ABCB1: variants seen among roughly 807,000 people sequenced by gnomAD.
The protein encoded by ABCB1 is ATP binding cassette subfamily B member 1.
ABCB1 carries 69 observed loss-of-function variants against 142.0 expected under a neutral mutation model. That is an observed-to-expected ratio of 0.49 (90% CI 0.40 to 0.59). ABCB1 has a LOEUF of 0.59. Ranked by LOEUF, ABCB1 falls within the 20% of genes least tolerant of loss-of-function variation. The pLI is 0.00. For synonymous variants in ABCB1, 532 were observed against 539.2 expected, an observed-to-expected ratio of 0.99 and a Z score of 0.18; for missense variants, 1,326 against 1,554.7, an observed-to-expected ratio of 0.85 and a Z score of 2.47.
intron 1 of ABCB1, among the ~76,000 whole-genome samples, chr7:87,657,127 C>T (rs936071801): frequency 1.3e-5 from 2 of 152,094 alleles, no homozygotes; most frequent in African/African-American, 4.8e-5. Context: ...CATAAGAAGA[C>T]TCTGAAAGGT....
upstream of ABCB1, among the ~76,000 whole-genome samples, chr7:87,602,286 C>T (rs936047147): frequency 1.0e-4 from 15 of 143,374 alleles, no homozygotes; most frequent in African/African-American, 3.9e-4. Context: ...AGCTACAGCT[C>T]GGCCTCTTTT....
intron 2 of ABCB1, among the ~76,000 whole-genome samples, chr7:87,597,016 A>C (rs1819237137): frequency 1.3e-5 from 2 of 152,094 alleles, no homozygotes; most frequent in South Asian, 4.1e-4. Context: ...CACTTCCCAC[A>C]CACAATTCAT....
intron 1 of ABCB1, chr7:87,628,572 GGTGCGTGC>G (rs1226549428): frequency 3.1e-5 from 10 of 326,796 alleles, no homozygotes; most frequent in African/African-American, 1.6e-4. Flanking sequence ...GGGCGGAGGT[GGTGCGTGC>G]GTGCGTGTGT....
intron 25 of ABCB1, 84 bp from the exon 26 acceptor site, chr7:87,509,565 A>T (rs1814914697): frequency 7.0e-7 from 1 of 1,419,002 alleles, no homozygotes; most frequent in Non-Finnish European, 9.8e-7. Context: ...CTTACACTGA[A>T]ACTGCCAAGT....
intron 8 of ABCB1, among the ~76,000 whole-genome samples, chr7:87,559,801 T>C (rs1374874718): frequency 2.6e-5 from 4 of 152,140 alleles, no homozygotes; most frequent in Non-Finnish European, 5.9e-5. Context: ...CTAACTTCTA[T>C]GGGGAGATGT....
chr7:87,650,381 T>C (rs1360529638), intron 1 of ABCB1, among the ~76,000 whole-genome samples: 1 of 152,034 alleles, frequency 6.6e-6, no homozygotes, highest in Non-Finnish European at 1.5e-5. Context: ...CACCATCAGA[T>C]TGGGTGTCTG....
intron 10 of ABCB1, 59 bp downstream of exon 10, chr7:87,550,666 A>C: frequency 6.4e-7 from 1 of 1,560,242 alleles, no homozygotes; most frequent in East Asian, 2.2e-5. Context: ...AGTGACAAAG[A>C]AATTGACTTA....
intron 1 of ABCB1, among the ~76,000 whole-genome samples, chr7:87,682,649 T>G (rs1243339200): frequency 6.6e-6 from 1 of 152,210 alleles, no homozygotes; most frequent in Non-Finnish European, 1.5e-5. Flanking sequence ...ATCAAAACAA[T>G]GGGCTTTGAA....
chr7:87,702,142 CAAAAAAAAAAAAAAAAA>C lies in ABCB1; in HGVS notation c.-331+11002_-331+11018del, dbSNP rs146127516. ...TGGGCAAAAGAGCGAGACTCTGTCT[CAAAAAAAAAAAAAAAAA>C]AAAAAAAAAAAAACAGAGATACTTT... On this transcript the variant is annotated intron_variant, in intron 1 of 28. Transcript: ENST00000265724. Among the ~76,000 whole-genome samples, 12 of 16,776 alleles carry C rather than the reference CAAAAAAAAAAAAAAAAA, an allele frequency of 7.2e-4. 1 individual carries two copies. The South Asian group carries it at 0.026, about 36-fold the overall frequency. The allele number at this position is 16,776 out of a possible 152,430, so 11.0% of individuals were successfully genotyped here.
chr7:87,654,943 C>T (rs1417205017), intron 1 of ABCB1, among the ~76,000 whole-genome samples: 1 of 151,990 alleles, frequency 6.6e-6, no homozygotes, highest in Non-Finnish European at 1.5e-5. Context: ...AAAAGGTGCT[C>T]AAAATCACTA....
intron 25 of ABCB1, 96 bp downstream of exon 25, chr7:87,515,135 G>C (rs368272475): frequency 5.1e-5 from 75 of 1,466,238 alleles, no homozygotes; most frequent in Non-Finnish European, 6.3e-5. Flanking sequence ...GTTGTTTAAA[G>C]GTTTGAAAAA....
intron 1 of ABCB1, among the ~76,000 whole-genome samples, chr7:87,705,772 A>G (rs537701612): frequency 1.3e-5 from 2 of 152,230 alleles, no homozygotes; most frequent in East Asian, 3.9e-4. Context: ...CTTGGGTCAT[A>G]TGCTCTTATA....
chr7:87,615,254 G>A (rs1229276579), intron 1 of ABCB1, among the ~76,000 whole-genome samples: 2 of 152,202 alleles, frequency 1.3e-5, no homozygotes, highest in Non-Finnish European at 2.9e-5. Context: ...TCTACACAGA[G>A]TAAGGGCTTC....
Position 87,520,815 on chromosome 7 carries a change from A to G in ABCB1, c.2747T>C (p.Phe916Ser). The change falls in exon 22 of 28, where the codon TTT becomes TCT. Residue 916 changes from phenylalanine to serine, a missense_variant. Transcript: ENST00000622132. Reference sequence around the variant, plus strand: ...CAAACTCTGAGCATACATATGTTCAAACTTCTGCTCCTGAGTCAAAGAAAC... The same window carrying G: ...CAAACTCTGAGCATACATATGTTCAGACTTCTGCTCCTGAGTCAAAGAAAC... ...TVVSLTQEQKFEHMYAQSLQV... is the reference protein window; with the variant it reads ...TVVSLTQEQKSEHMYAQSLQV... The G allele has an allele frequency of 1.2e-6, 2 of 1,614,010 alleles. No homozygotes were observed. Among genetic ancestry groups the G allele is most frequent in the African/African-American group, 1.3e-5 (1 of 75,042 alleles).
intron 4 of ABCB1, among the ~76,000 whole-genome samples, chr7:87,582,198 A>G (rs1818538601): frequency 6.6e-6 from 1 of 152,144 alleles, no homozygotes; most frequent in Non-Finnish European, 1.5e-5. Flanking sequence ...TGAGGGAAGG[A>G]TATTAATCTT....
At chr7:87,513,873 C>T (rs953469129) in intron 25 of ABCB1, among the ~76,000 whole-genome samples, 2 of 152,146 alleles carry the variant, frequency 1.3e-5, no homozygotes, top group African/African-American at 4.8e-5. Context: ...CTGTTGAGGG[C>T]CATAATCAGT....
At chr7:87,524,477 C>T (rs1033016914) in intron 21 of ABCB1, among the ~76,000 whole-genome samples, 3 of 151,980 alleles carry the variant, frequency 2.0e-5, no homozygotes, top group African/African-American at 7.3e-5. Flanking sequence ...AGCAAACTAT[C>T]GCAAGGACAA....
At chr7:87,700,598 G>C in intron 1 of ABCB1, 1 of 1,559,968 alleles carries the variant, frequency 6.4e-7, no homozygotes, top group Non-Finnish European at 8.7e-7. Context: ...TTTTTTCATT[G>C]CATGTATTTG....
At chr7:87,605,441 T>A (rs1819615886), upstream of ABCB1, among the ~76,000 whole-genome samples, 2 of 152,154 alleles carry the variant, frequency 1.3e-5, no homozygotes, top group Admixed American at 1.3e-4. Context: ...GCCTCCTCTA[T>A]CAACTTCTAA....
Sources: allele counts gnomAD v4.1 joint callset (sites outside exome capture counted in the v4.1 genomes callset), GRCh38; gene constraint gnomAD v4.1.1; transcripts MANE v1.5; gene names NCBI Gene and HGNC (gene_info 2026-07-23, HGNC 2026-07-21).